PLCB1: variants seen among roughly 807,000 people sequenced by gnomAD.
The protein encoded by PLCB1 is phospholipase C beta 1.
PLCB1 carries 46 observed loss-of-function variants against 161.8 expected under a neutral mutation model. The observed-to-expected ratio is 0.28, with a 90% CI of 0.22 to 0.36. PLCB1 has a LOEUF of 0.36. PLCB1 is among the 10% of genes least tolerant of loss of function. PLCB1 has a pLI of 1.00. For synonymous variants in PLCB1, 517 were observed against 503.7 expected, an observed-to-expected ratio of 1.03 and a Z score of -0.35; for missense variants, 1,016 against 1,472.5, an observed-to-expected ratio of 0.69 and a Z score of 5.07.
chr20:8,871,352 A>G (rs959110300), intron 31 of PLCB1, among the ~76,000 whole-genome samples: 6 of 152,170 alleles, frequency 3.9e-5, no homozygotes, highest in African/African-American at 1.4e-4. Flanking sequence ...TTGTATGTCC[A>G]ATGGAGGAAG....
At chr20:8,605,987 A>G (rs1364388565) in intron 3 of PLCB1, among the ~76,000 whole-genome samples, 2 of 152,092 alleles carry the variant, frequency 1.3e-5, no homozygotes, top group Admixed American at 1.3e-4. Context: ...ACATGATTTC[A>G]TTCTTTTCAT....
chr20:8,318,232 C>CT (rs1438330935), intron 2 of PLCB1, among the ~76,000 whole-genome samples: 5 of 152,068 alleles, frequency 3.3e-5, no homozygotes, highest in African/African-American at 1.2e-4. Flanking sequence ...AGTCTTTTGA[C>CT]TTTTAAAAGT....
rs531233504 is a variant in PLCB1 at position 8,493,328 on chromosome 20, T to C, written c.246+121878T>C. On this transcript the variant is annotated intron_variant, in intron 3 of 31. Transcript: ENST00000338037. ...TTAAAAAAAATACTCCAAAAATAAT[T>C]TGAGTTTAGAGCAAAAGCAAATCTA... Among the ~76,000 whole-genome samples the C allele has an allele frequency of 3.3e-5, 5 of 152,274 alleles. No homozygotes were observed. In the South Asian group the frequency reaches 8.3e-4, roughly 25 times the overall value.
chr20:8,859,888 A>T (rs1987197657), intron 31 of PLCB1, among the ~76,000 whole-genome samples: 2 of 152,220 alleles, frequency 1.3e-5, no homozygotes, highest in African/African-American at 4.8e-5. Context: ...CCATGATAAT[A>T]CATATTAATC....
chr20:8,866,334 C>T (rs1041968480), intron 31 of PLCB1, among the ~76,000 whole-genome samples: 6 of 152,132 alleles, frequency 3.9e-5, no homozygotes, highest in African/African-American at 9.7e-5. Context: ...TAGACACCAG[C>T]GCAATGTGGT....
intron 3 of PLCB1, chr20:8,371,772 A>T (rs945301946): frequency 4.3e-6 from 1 of 232,574 alleles, no homozygotes; most frequent in African/African-American, 2.3e-5. Flanking sequence ...AAATCTTTGA[A>T]CCTCGTAAAC....
rs576278236 is a variant in PLCB1 at position 8,804,091 on chromosome 20, C to G, written c.3423+13830C>G. 2.6e-5 allele frequency among the ~76,000 whole-genome samples: 4 copies of G among 151,802 alleles called. No homozygotes were observed. The South Asian group carries it at 6.3e-4, about 24-fold the overall frequency. On this transcript the variant is annotated intron_variant, in intron 31 of 31. Coordinates refer to ENST00000338037, the MANE Select transcript of PLCB1 (RefSeq NM_015192.4). ...TACACGTGTGAGCCACGGTGCCTGG[C>G]CTGCCCTGGTAGTTTTTAAAGCTAT...
chr20:8,881,894 C>A lies in PLCB1; in HGVS notation c.*45C>A. On this transcript the variant is annotated 3_prime_UTR_variant, in exon 32 of 32. Transcript: ENST00000338037. The stretch of plus-strand genomic sequence containing the variant: ...AGAAATTGCATGGCCACTCCAGCGT[C>A]ATCGGACTCTCTCTTATTACAAAGA... 1.6e-6 allele frequency: 2 copies of A among 1,225,828 alleles called. No individual in the cohort carries two copies. The highest frequency in any genetic ancestry group is 2.4e-6 in the Non-Finnish European group (2 of 830,016). 75.9% of individuals were successfully genotyped at this position (1,225,828 alleles called of 1,614,324 possible).
chr20:8,387,303 G>A (rs1260033676), intron 3 of PLCB1, among the ~76,000 whole-genome samples: 1 of 152,072 alleles, frequency 6.6e-6, no homozygotes, highest in African/African-American at 2.4e-5. Flanking sequence ...TACACTTAGA[G>A]GCCATTGTAA....
intron 11 of PLCB1, among the ~76,000 whole-genome samples, chr20:8,703,184 G>C (rs1184176309): frequency 2.0e-5 from 3 of 152,176 alleles, no homozygotes; most frequent in Non-Finnish European, 4.4e-5. Flanking sequence ...CAGCAAACTG[G>C]AGATGATAAT....
At position 8,683,953 on chromosome 20, in the gene PLCB1, A is replaced by G. The variant is rs183853691; in HGVS notation, c.863-979A>G. Among the ~76,000 whole-genome samples, 72 of 149,300 alleles carry G rather than the reference A, an allele frequency of 4.8e-4. 2 individuals carry two copies. In the East Asian group the frequency reaches 8.5e-3, roughly 18 times the overall value. On this transcript the variant is annotated intron_variant, in intron 9 of 31. Coordinates refer to ENST00000338037, the MANE Select transcript of PLCB1 (RefSeq NM_015192.4). ...GGCTGGAGTGTAGTGGTGCGATCTCAGCTCACTGCAAACTCCACCTCCTGG... is the reference window on the plus strand; with the variant it reads ...GGCTGGAGTGTAGTGGTGCGATCTCGGCTCACTGCAAACTCCACCTCCTGG...
intron 17 of PLCB1, among the ~76,000 whole-genome samples, chr20:8,727,834 C>T (rs953049121): frequency 1.3e-5 from 2 of 151,746 alleles, no homozygotes; most frequent in African/African-American, 2.4e-5. Context: ...TACTATATGT[C>T]CAAATAGTAG....
chr20:8,561,145 A>G (rs948420223), intron 3 of PLCB1, among the ~76,000 whole-genome samples: 84 of 151,994 alleles, frequency 5.5e-4, no homozygotes, highest in Admixed American at 5.5e-3. Context: ...AGAATGCTGA[A>G]GACCGTTAGT....
chr20:8,380,956 C>T (rs991065575), intron 3 of PLCB1, among the ~76,000 whole-genome samples: 13 of 152,248 alleles, frequency 8.5e-5, no homozygotes, highest in African/African-American at 2.9e-4. Flanking sequence ...CCTGATTGCC[C>T]TGGTCAGAAC....
At position 8,462,302 on chromosome 20, in the gene PLCB1, A is replaced by G. The variant is rs1981615822; in HGVS notation, c.246+90852A>G. ...CTGTCTGCTGTGGTGTTGAGTTCTGAAAATATTGATAGTCCTCTTATCACT... is the reference window on the plus strand; with the variant it reads ...CTGTCTGCTGTGGTGTTGAGTTCTGGAAATATTGATAGTCCTCTTATCACT... On this transcript the variant is annotated intron_variant, in intron 3 of 31. Transcript: ENST00000338037. Among the ~76,000 whole-genome samples, 3 of 152,156 alleles carry G rather than the reference A, an allele frequency of 2.0e-5. No homozygotes were observed. The South Asian group carries it at 6.2e-4, about 32-fold the overall frequency.
In PLCB1 at chr20:8,658,659, G is replaced by A. The variant is rs760653580; in HGVS notation, c.817G>A (p.Val273Ile). ...ACCTCTAAAACAAGAGCAAGTCCAA[G>A]TATTGATTGAGAAGTATGAACCCAA... The part of the protein sequence containing the change: ...YPPLKQEQVQ[V>I]LIEKYEPNNS... The change falls in exon 9 of 32, where the codon GTA becomes ATA. Residue 273 changes from valine to isoleucine, a missense_variant. This residue lies in a region of PLCB1 where 117 missense variants were observed against 142.2 expected (regional missense o/e 0.82). Coordinates refer to ENST00000338037, the MANE Select transcript of PLCB1 (RefSeq NM_015192.4). The A allele has an allele frequency of 5.0e-6, 8 of 1,612,592 alleles. No individual in the cohort carries two copies. In the East Asian group the frequency reaches 1.8e-4, roughly 36 times the overall value.
chr20:8,313,779 A>T (rs2122132153), intron 2 of PLCB1, among the ~76,000 whole-genome samples: 1 of 152,230 alleles, frequency 6.6e-6, no homozygotes, highest in South Asian at 2.1e-4. Context: ...GTTTCTTGGA[A>T]TATCTGTTTT....
chr20:8,270,624 GA>G (rs1482667039), intron 2 of PLCB1, among the ~76,000 whole-genome samples: 1 of 151,982 alleles, frequency 6.6e-6, no homozygotes, highest in African/African-American at 2.4e-5. Context: ...TGATTAATCT[GA>G]AAAAAATAGG....
At chr20:8,338,532 G>T (rs189892786) in intron 2 of PLCB1, among the ~76,000 whole-genome samples, 1 of 152,234 alleles carries the variant, frequency 6.6e-6, no homozygotes, top group Non-Finnish European at 1.5e-5. Flanking sequence ...AGCAGAGCTA[G>T]AACAAAGATG....
Sources: allele counts gnomAD v4.1 joint callset (sites outside exome capture counted in the v4.1 genomes callset), GRCh38; gene constraint gnomAD v4.1.1; regional missense constraint gnomAD v4.1.1; transcripts MANE v1.5; gene names NCBI Gene and HGNC (gene_info 2026-07-23, HGNC 2026-07-21).